Variants in DNAH11 observed in about 807,000 individuals in gnomAD.
The protein encoded by DNAH11 is dynein axonemal heavy chain 11.
DNAH11 carries 442 observed loss-of-function variants against 526.0 expected under a neutral mutation model. That is an observed-to-expected ratio of 0.84 (90% CI 0.78 to 0.91). DNAH11 has a LOEUF of 0.91. DNAH11 is among the 40% of genes least tolerant of loss of function. The pLI is 0.00. For missense variants in DNAH11, 6,989 were observed against 5,448.7 expected, an observed-to-expected ratio of 1.28 and a Z score of -8.90; for synonymous variants, 2,461 against 1,935.9, an observed-to-expected ratio of 1.27 and a Z score of -7.12.
chr7:21,871,186 A>C (rs887478265), intron 73 of DNAH11, among the ~76,000 whole-genome samples: 2 of 152,240 alleles, frequency 1.3e-5, no homozygotes, highest in Admixed American at 6.5e-5. Context: ...ACTATTATAA[A>C]AGTAGCAGGC....
At chr7:21,771,275 G>T (rs1026815349) in intron 55 of DNAH11, among the ~76,000 whole-genome samples, 1 of 152,140 alleles carries the variant, frequency 6.6e-6, no homozygotes, top group African/African-American at 2.4e-5. Flanking sequence ...AGTCATCTTT[G>T]CTGGTCTTGG....
intron 45 of DNAH11, among the ~76,000 whole-genome samples, chr7:21,730,804 T>G (rs1785345950): frequency 6.6e-6 from 1 of 152,112 alleles, no homozygotes; most frequent in Non-Finnish European, 1.5e-5. Flanking sequence ...TAGTATTTTT[T>G]AAAAACCATT....
intron 54 of DNAH11, among the ~76,000 whole-genome samples, chr7:21,756,594 A>G (rs973878176): frequency 4.6e-5 from 7 of 152,160 alleles, no homozygotes; most frequent in African/African-American, 7.2e-5. Flanking sequence ...GATAATGGAT[A>G]TAATTACAAT....
intron 45 of DNAH11, among the ~76,000 whole-genome samples, chr7:21,727,851 C>A (rs1309981030): frequency 6.6e-6 from 1 of 152,190 alleles, no homozygotes; most frequent in Non-Finnish European, 1.5e-5. Flanking sequence ...GGCTAGAAGT[C>A]CAAGATGGAG....
intron 69 of DNAH11, among the ~76,000 whole-genome samples, chr7:21,864,072 A>G (rs992401066): frequency 2.0e-5 from 3 of 152,186 alleles, no homozygotes; most frequent in Admixed American, 6.5e-5. Flanking sequence ...CATTCTTCTC[A>G]ATATAATCTT....
rs138765906 is a variant in DNAH11 at position 21,822,653 on chromosome 7, A to G, written c.10691+4314A>G. 2.6e-4 allele frequency among the ~76,000 whole-genome samples: 39 copies of G among 152,324 alleles called. No homozygotes were observed. In the East Asian group the frequency reaches 6.6e-3, roughly 26 times the overall value. On this transcript the variant is annotated intron_variant, in intron 65 of 81. Transcript: ENST00000409508. ...TATTTTGGATATATGCCCAGCAGCC[A>G]TATTGCTGGATCATGTGGCATGACC...
chr7:21,760,124 G>A (rs1283087557), intron 54 of DNAH11, among the ~76,000 whole-genome samples: 5 of 152,140 alleles, frequency 3.3e-5, no homozygotes, highest in Admixed American at 6.5e-5. Flanking sequence ...TTTCTGGTGG[G>A]GGTGGGAGGA....
In DNAH11 at chr7:21,681,595, C is replaced by T. The variant is rs1008540941; in HGVS notation, c.5378C>T (p.Pro1793Leu). The T allele has an allele frequency of 8.7e-6, 14 of 1,613,760 alleles. No homozygotes were observed. The highest frequency in any genetic ancestry group is 1.2e-5 in the Non-Finnish European group (14 of 1,179,780). Residue 1793 changes from proline to leucine, a missense_variant, in exon 31 of 82, where the codon CCT becomes CTT. Physicochemically the swap from Pro to Leu is moderately conservative, Grantham distance 98. Transcript: ENST00000409508. The part of the protein sequence containing the change: ...LITLLLGELP[P>L]GDRQKIMTIC... Reference sequence around the variant, plus strand: ...ACACTTTTGCTGGGAGAACTTCCACCTGGAGACAGACAGAAGATCATGACA... The same window carrying T: ...ACACTTTTGCTGGGAGAACTTCCACTTGGAGACAGACAGAAGATCATGACA...
intron 28 of DNAH11, among the ~76,000 whole-genome samples, chr7:21,650,543 C>CTT (rs573023157): frequency 3.8e-4 from 52 of 136,728 alleles, no homozygotes; most frequent in African/African-American, 1.1e-3. Flanking sequence ...TCTAGAAGGC[C>CTT]TTTTTTTTTT....
chr7:21,794,907 A>G (rs370780129), intron 61 of DNAH11, among the ~76,000 whole-genome samples: 4 of 152,122 alleles, frequency 2.6e-5, no homozygotes, highest in African/African-American at 9.7e-5. Flanking sequence ...GGCATTTTCT[A>G]CGTGCAGTAC....
intron 29 of DNAH11, among the ~76,000 whole-genome samples, 187 bp from the exon 30 acceptor site, chr7:21,658,611 G>A (rs17144916): frequency 6.6e-6 from 1 of 152,006 alleles, no homozygotes; most frequent in African/African-American, 2.4e-5. Context: ...GGTTCCTGCA[G>A]GAGAAAGATT....
intron 66 of DNAH11, chr7:21,851,781 G>A (rs1485879480): frequency 1.4e-5 from 6 of 414,932 alleles, no homozygotes; most frequent in Admixed American, 1.4e-4. Flanking sequence ...TTTGTCCTGT[G>A]ACCTCCGTTC....
chr7:21,611,208 C>A (rs545561372), intron 20 of DNAH11, among the ~76,000 whole-genome samples: 1 of 152,256 alleles, frequency 6.6e-6, no homozygotes, highest in East Asian at 1.9e-4. Context: ...GAATACCTTT[C>A]TCCTGGTCTT....
intron 30 of DNAH11, among the ~76,000 whole-genome samples, chr7:21,677,367 T>G (rs1782937050): frequency 6.6e-6 from 1 of 152,136 alleles, no homozygotes; most frequent in Admixed American, 6.5e-5. Context: ...TCTATCATAG[T>G]GATCTGTGAT....
intron 42 of DNAH11, among the ~76,000 whole-genome samples, chr7:21,715,807 C>G (rs1263823753): frequency 6.6e-6 from 1 of 151,582 alleles, no homozygotes; most frequent in African/African-American, 2.4e-5. Context: ...ACTCTCTATC[C>G]TATGCTATGT....
intron 42 of DNAH11, among the ~76,000 whole-genome samples, chr7:21,714,493 C>T (rs1784577259): frequency 6.6e-6 from 1 of 152,144 alleles, no homozygotes; most frequent in African/African-American, 2.4e-5. Flanking sequence ...GAGACTTTAA[C>T]ATCTTACTTT....
At chr7:21,886,273 A>G (rs559854958) in intron 76 of DNAH11, among the ~76,000 whole-genome samples, 133 of 152,298 alleles carry the variant, frequency 8.7e-4, no homozygotes, top group African/African-American at 3.1e-3. Flanking sequence ...TTAAATCACT[A>G]AAATCATATT....
At position 21,894,701 on chromosome 7, in the gene DNAH11, A is replaced by G. The variant is rs370912972; in HGVS notation, c.12829A>G (p.Asn4277Asp). ...GGCAGAGATAATGCAAAAAAATTCA[A>G]ATAGAAGCCCATATGTTCTTGTTTG... ...NMAEIMQKNS[N>D]RSPYVLVCFQ... The change falls in exon 78 of 82, where the codon AAT becomes GAT. Residue 4277 changes from asparagine (N) to aspartate (D), a missense_variant. By Grantham distance (23) the Asn-to-Asp change is conservative. Coordinates refer to ENST00000409508, the MANE Select transcript of DNAH11 (RefSeq NM_001277115.2). The G allele has an allele frequency of 7.4e-6, 12 of 1,613,958 alleles. No individual in the cohort carries two copies. Among genetic ancestry groups the G allele is most frequent in the South Asian group, 1.1e-5 (1 of 91,036 alleles).
chr7:21,892,209 G>T (rs541100449), intron 76 of DNAH11, among the ~76,000 whole-genome samples: 31 of 152,242 alleles, frequency 2.0e-4, no homozygotes, highest in African/African-American at 7.2e-4. Flanking sequence ...TCTTCTTAGG[G>T]ATAGGATTAA....
Sources: allele counts gnomAD v4.1 joint callset (sites outside exome capture counted in the v4.1 genomes callset), GRCh38; gene constraint gnomAD v4.1.1; transcripts MANE v1.5; gene names NCBI Gene and HGNC (gene_info 2026-07-23, HGNC 2026-07-21).